Variants in LAMA2 observed in about 807,000 individuals in gnomAD.
LAMA2 encodes the protein laminin subunit alpha 2.
LAMA2 carries 269 observed loss-of-function variants against 364.8 expected under a neutral mutation model. The observed-to-expected ratio is 0.74, with a 90% CI of 0.67 to 0.82. LAMA2 has a LOEUF of 0.82. Among genes scored for constraint, LAMA2 ranks in the 40% least tolerant of loss-of-function variants. The probability of loss-of-function intolerance (pLI) is 0.00; values close to 1 mark genes in which losing one functional copy is unlikely to be tolerated. For synonymous variants in LAMA2, 1,379 were observed against 1,370.6 expected (o/e 1.01, Z -0.14); for missense variants, 3,807 against 3,873.2 (o/e 0.98, Z 0.45).
chr6:129,292,615 G>A (rs1409036605), intron 20 of LAMA2, among the ~76,000 whole-genome samples: 1 of 152,234 alleles, frequency 6.6e-6, no homozygotes, highest in Non-Finnish European at 1.5e-5. Context: ...AGGGTGGACA[G>A]ATTTGCTCTA....
chr6:128,901,985 G>A (rs1777113991), intron 1 of LAMA2, among the ~76,000 whole-genome samples: 7 of 152,200 alleles, frequency 4.6e-5, no homozygotes, highest in Admixed American at 3.9e-4. Context: ...CCACCTGGCT[G>A]GGGAGGCCTC....
Position 129,252,075 on chromosome 6 carries a change from C to A in LAMA2, c.1885-9C>A. The A allele has an allele frequency of 6.3e-7, 1 of 1,597,320 alleles. No individual in the cohort carries two copies. On this transcript the variant is annotated splice_polypyrimidine_tract_variant and intron_variant, in intron 13 of 64. Coordinates refer to ENST00000421865, the MANE Select transcript of LAMA2 (RefSeq NM_000426.4). Reference sequence around the variant, plus strand: ...TACTCTTTTTTATTTCTTTTTTTTCCCCCTTTAGGGTAATGACTTGAGCAT... The same window carrying A: ...TACTCTTTTTTATTTCTTTTTTTTCACCCTTTAGGGTAATGACTTGAGCAT...
intron 9 of LAMA2, among the ~76,000 whole-genome samples, chr6:129,175,869 A>G (rs1182534346): frequency 6.6e-6 from 1 of 152,144 alleles, no homozygotes; most frequent in Non-Finnish European, 1.5e-5. Context: ...TCATTAAAAC[A>G]TGTTTGTGGT....
At chr6:129,192,963 G>A in intron 12 of LAMA2, 110 bp downstream of exon 12, 2 of 1,150,472 alleles carry the variant, frequency 1.7e-6, no homozygotes. Flanking sequence ...ACACTGAATT[G>A]GATTGCCAGA....
At chr6:128,905,590 CTTTT>C (rs1777393213) in intron 1 of LAMA2, 1 of 151,396 alleles carries the variant, frequency 6.6e-6, no homozygotes, top group East Asian at 1.9e-4. Flanking sequence ...GGTATAATTT[CTTTT>C]TTGTTTGTTT....
chr6:129,157,852 G>T (rs188157539), intron 8 of LAMA2: 174 of 1,614,092 alleles, frequency 1.1e-4, no homozygotes, highest in Admixed American at 9.2e-4. Context: ...ATGATGTAGG[G>T]CTGGAAGTGG....
intron 45 of LAMA2, among the ~76,000 whole-genome samples, chr6:129,452,218 A>G (rs1473207441): frequency 6.6e-6 from 1 of 152,224 alleles, no homozygotes; most frequent in Non-Finnish European, 1.5e-5. Context: ...AGTGTTATTT[A>G]TGATTGAAGG....
chr6:128,909,088 G>T (rs1777702263), intron 1 of LAMA2, among the ~76,000 whole-genome samples: 8 of 149,948 alleles, frequency 5.3e-5, no homozygotes, highest in Admixed American at 5.3e-4. Flanking sequence ...GGTGTGGTGT[G>T]GTGCTGAAAA....
chr6:128,941,750 A>T (rs1780175188), intron 1 of LAMA2, among the ~76,000 whole-genome samples: 1 of 152,194 alleles, frequency 6.6e-6, no homozygotes, highest in African/African-American at 2.4e-5. Context: ...ATACACCATT[A>T]AATATATTCT....
Position 129,336,248 on chromosome 6 carries a change from G to A in LAMA2, c.4312-6095G>A, listed in dbSNP as rs117805427. On this transcript the variant is annotated intron_variant, in intron 29 of 64. Coordinates refer to ENST00000421865, the MANE Select transcript of LAMA2 (RefSeq NM_000426.4). The stretch of plus-strand genomic sequence containing the variant: ...CCAAGAGCGGAGGATCCAGGAGTTC[G>A]AGACCAGCATGGTCAACAAAGGCCC... Among the ~76,000 whole-genome samples, 1,150 of 152,076 alleles carry A rather than the reference G, an allele frequency of 7.6e-3. 12 individuals carry two copies. The highest frequency in any genetic ancestry group is 0.011 in the Non-Finnish European group (759 of 67,998).
At chr6:129,074,311 T>C (rs1054532659) in intron 3 of LAMA2, among the ~76,000 whole-genome samples, 2 of 152,362 alleles carry the variant, frequency 1.3e-5, no homozygotes, top group East Asian at 1.9e-4. Context: ...CTGTGAAGAA[T>C]GTAGGTCTCA....
At chr6:129,331,016 C>A (rs1308106541) in intron 29 of LAMA2, among the ~76,000 whole-genome samples, 1 of 151,988 alleles carries the variant, frequency 6.6e-6, no homozygotes, top group Non-Finnish European at 1.5e-5. Flanking sequence ...CTACAGGTGC[C>A]CACCACCATG....
At position 129,332,883 on chromosome 6, in the gene LAMA2, A is replaced by ATT. The variant is rs10590805; in HGVS notation, c.4311+4497_4311+4498dup. ...TGATTCAGTTATTGTTAAGTTTACC[A>ATT]TTTTTTTTTTTTTTTTTTTTTTTTT... On this transcript the variant is annotated intron_variant, in intron 29 of 64. Coordinates refer to ENST00000421865, the MANE Select transcript of LAMA2 (RefSeq NM_000426.4). Among the ~76,000 whole-genome samples, 19 of 104,408 alleles carry ATT rather than the reference A, an allele frequency of 1.8e-4. 1 individual carries two copies. The highest frequency in any genetic ancestry group is 2.5e-4 in the Non-Finnish European group (14 of 56,308). 68.5% of individuals were successfully genotyped at this position (104,408 alleles called of 152,430 possible). A position where few individuals can be genotyped will look rare whatever the true frequency, so the allele number is the denominator to read the frequency against.
At chr6:129,035,781 A>G (rs192072296) in intron 1 of LAMA2, among the ~76,000 whole-genome samples, 1 of 151,986 alleles carries the variant, frequency 6.6e-6, no homozygotes, top group Non-Finnish European at 1.5e-5. Context: ...GTCGAAGATT[A>G]GTTGTAGGAA....
chr6:129,247,742 C>T (rs746107210), intron 12 of LAMA2, among the ~76,000 whole-genome samples: 59 of 151,826 alleles, frequency 3.9e-4, no homozygotes, highest in African/African-American at 1.3e-3. Flanking sequence ...CAGAGATACA[C>T]AAAAGAGTTT....
At chr6:129,427,276 C>T (rs747223249) in intron 40 of LAMA2, among the ~76,000 whole-genome samples, 11 of 152,076 alleles carry the variant, frequency 7.2e-5, no homozygotes, top group Non-Finnish European at 1.5e-4. Flanking sequence ...GGAAATGCTC[C>T]CCTCTCAGTC....
At chr6:128,889,024 A>G (rs917232912) in intron 1 of LAMA2, among the ~76,000 whole-genome samples, 6 of 151,932 alleles carry the variant, frequency 3.9e-5, no homozygotes, top group Non-Finnish European at 8.8e-5. Context: ...TCTTTGTAAC[A>G]CTCTTTTCTT....
chr6:128,951,536 C>T (rs561592957), intron 1 of LAMA2, among the ~76,000 whole-genome samples: 1 of 152,240 alleles, frequency 6.6e-6, no homozygotes, highest in East Asian at 1.9e-4. Flanking sequence ...AAATGACCGA[C>T]TTATCAAGCC....
chr6:129,030,849 A>G (rs1351863501), intron 1 of LAMA2, among the ~76,000 whole-genome samples: 4 of 152,102 alleles, frequency 2.6e-5, no homozygotes, highest in African/African-American at 9.7e-5. Flanking sequence ...GATGTCAGTG[A>G]CTCTAATTGT....
Sources: allele counts gnomAD v4.1 joint callset (sites outside exome capture counted in the v4.1 genomes callset), GRCh38; gene constraint gnomAD v4.1.1; transcripts MANE v1.5; gene names NCBI Gene and HGNC (gene_info 2026-07-23, HGNC 2026-07-21).